ARF4: variants seen among roughly 807,000 people sequenced by gnomAD.
ARF4 encodes the protein ADP-ribosylation factor 4.
Under a neutral mutation model 24.3 loss-of-function variants are expected in ARF4, and 5 were observed. The observed-to-expected ratio is 0.21, with a 90% CI of 0.11 to 0.43. ARF4 has a LOEUF of 0.43. Among genes scored for constraint, ARF4 ranks in the 20% least tolerant of loss-of-function variants. ARF4 has a pLI of 1.00. For missense variants in ARF4, 107 were observed against 213.0 expected (o/e 0.50, Z 3.10); for synonymous variants, 62 against 73.5 (o/e 0.84, Z 0.80).
intron 1 of ARF4, among the ~76,000 whole-genome samples, chr3:57,593,711 T>C (rs915601192): frequency 2.0e-5 from 3 of 152,180 alleles, no homozygotes; most frequent in African/African-American, 7.2e-5. Flanking sequence ...TTACATCTTA[T>C]CATGGATCAA....
intron 5 of ARF4, among the ~76,000 whole-genome samples, chr3:57,574,408 A>ATTTT (rs71088093): frequency 4.8e-5 from 7 of 145,260 alleles, no homozygotes; most frequent in African/African-American, 1.0e-4. Flanking sequence ...AGAAGTACAA[A>ATTTT]TTTTTTTTTT....
At position 57,571,737 on chromosome 3, in the gene ARF4, T is replaced by G. The variant is rs1238564334; in HGVS notation, c.*475A>C. The G allele has an allele frequency of 6.3e-6, 1 of 158,728 alleles. No homozygotes were observed. The highest frequency in any genetic ancestry group is 1.8e-4 in the East Asian group (1 of 5,460). The allele number at this position is 158,728 out of a possible 1,614,324, so 9.8% of individuals were successfully genotyped here. On this transcript the variant is annotated 3_prime_UTR_variant, in exon 6 of 6. Transcript: ENST00000303436. ...CTCAGTGCAAGAGAGCTGAGTAGTG[T>G]TTTGGATCTTTCTCTGGCTGGTACA...
intron 1 of ARF4, among the ~76,000 whole-genome samples, chr3:57,592,810 A>G (rs1365854202): frequency 6.6e-6 from 1 of 152,192 alleles, no homozygotes; most frequent in Non-Finnish European, 1.5e-5. Context: ...TGTTCAACCA[A>G]TAACCTGAGA....
chr3:57,592,994 C>T (rs2070133451), intron 1 of ARF4, among the ~76,000 whole-genome samples: 1 of 152,056 alleles, frequency 6.6e-6, no homozygotes. Flanking sequence ...CTCTTGAGCC[C>T]AGGAGTTTGA....
chr3:57,587,649 C>CT (rs539300662), intron 1 of ARF4, among the ~76,000 whole-genome samples: 48 of 152,086 alleles, frequency 3.2e-4, no homozygotes, highest in African/African-American at 1.0e-3. Flanking sequence ...AAGACGACTG[C>CT]TTGAGGGCTT....
At chr3:57,587,443 T>C (rs2070052819) in intron 1 of ARF4, among the ~76,000 whole-genome samples, 1 of 151,754 alleles carries the variant, frequency 6.6e-6, no homozygotes, top group Non-Finnish European at 1.5e-5. Context: ...GTAATCCAAG[T>C]TTTCTTTTAA....
chr3:57,593,168 G>A (rs532188493), intron 1 of ARF4, among the ~76,000 whole-genome samples: 1 of 152,238 alleles, frequency 6.6e-6, no homozygotes, highest in East Asian at 1.9e-4. Context: ...CATGCCACCT[G>A]TATGTGCCCC....
chr3:57,573,358 C>CA (rs577030564), intron 5 of ARF4, among the ~76,000 whole-genome samples: 31 of 151,884 alleles, frequency 2.0e-4, no homozygotes, highest in South Asian at 6.3e-4. Flanking sequence ...GTGAAAGTAT[C>CA]AAAAAAAACC....
Position 57,579,841 on chromosome 3 carries a change from C to T in ARF4, c.259-2454G>A, listed in dbSNP as rs763811626. On this transcript the variant is annotated intron_variant, in intron 3 of 5. Coordinates refer to ENST00000303436, the MANE Select transcript of ARF4 (RefSeq NM_001660.4). Reference sequence around the variant, plus strand: ...GAGAAAACTTTTGGCTGGCATGGCACCTCTAATCCCACCACTTTGGGAGGC... The same window carrying T: ...GAGAAAACTTTTGGCTGGCATGGCATCTCTAATCCCACCACTTTGGGAGGC... Among the ~76,000 whole-genome samples the T allele has an allele frequency of 1.4e-4, 22 of 152,214 alleles. 1 individual carries two copies. The highest frequency in any genetic ancestry group is 1.0e-4 in the Non-Finnish European group (7 of 68,014).
At chr3:57,586,667 T>C (rs2070040688) in intron 1 of ARF4, among the ~76,000 whole-genome samples, 1 of 152,122 alleles carries the variant, frequency 6.6e-6, no homozygotes, top group African/African-American at 2.4e-5. Flanking sequence ...AACCAACTGT[T>C]ATACAAGTGT....
At chr3:57,578,050 C>CA (rs1385528631) in intron 3 of ARF4, among the ~76,000 whole-genome samples, 1 of 151,674 alleles carries the variant, frequency 6.6e-6, no homozygotes, top group Non-Finnish European at 1.5e-5. Context: ...GACCCTATCT[C>CA]AAAAAACAAA....
chr3:57,584,198 A>C, intron 2 of ARF4, 186 bp downstream of exon 2: 1 of 719,686 alleles, frequency 1.4e-6, no homozygotes, highest in Non-Finnish European at 2.3e-6. Context: ...CCTGGGCTCA[A>C]GCAATCCACC....
At chr3:57,572,994 AG>A (rs1208497841) in intron 5 of ARF4, among the ~76,000 whole-genome samples, 2 of 151,902 alleles carry the variant, frequency 1.3e-5, no homozygotes, top group African/African-American at 4.8e-5. Flanking sequence ...TGAGGTCAGG[AG>A]ATCGAGACCT....
Position 57,577,466 on chromosome 3 carries a change from A to C in ARF4, c.259-79T>G, listed in dbSNP as rs889497495. The C allele has an allele frequency of 6.4e-6, 7 of 1,096,294 alleles. No individual in the cohort carries two copies. The Admixed American group carries it at 1.3e-4, about 20-fold the overall frequency. The allele number at this position is 1,096,294 out of a possible 1,614,324, so 67.9% of individuals were successfully genotyped here. The stretch of plus-strand genomic sequence containing the variant: ...GAAACAGTGTAGGCAGCAAAATGGT[A>C]CCAATGGTTAGACATTAGGAAGAAA... On this transcript the variant is annotated intron_variant, in intron 3 of 5. Transcript: ENST00000303436.
intron 1 of ARF4, among the ~76,000 whole-genome samples, chr3:57,592,282 A>G (rs1305031312): frequency 1.3e-5 from 2 of 152,066 alleles, no homozygotes; most frequent in Non-Finnish European, 2.9e-5. Flanking sequence ...TGAGGTCAGG[A>G]GTTTGAGACC....
At position 57,597,167 on chromosome 3, in the gene ARF4, G is replaced by A. The variant is rs2070200161; in HGVS notation, c.-27C>T. The A allele has an allele frequency of 6.2e-7, 1 of 1,603,154 alleles. No homozygotes were observed. The highest frequency in any genetic ancestry group is 1.3e-5 in the African/African-American group (1 of 74,718). On this transcript the variant is annotated 5_prime_UTR_variant, in exon 1 of 6. Transcript: ENST00000303436. ...GCGGTAGTGGCACTTGTGATGGGCA[G>A]AAGCAGAAGGGGTTTGGGGCGACCC...
intron 3 of ARF4, among the ~76,000 whole-genome samples, chr3:57,580,711 C>T (rs950598167): frequency 1.1e-4 from 17 of 151,762 alleles, no homozygotes; most frequent in African/African-American, 4.1e-4. Context: ...CTACCCTTTA[C>T]AAGAGGTAAT....
At chr3:57,581,315 C>G (rs932658657) in intron 3 of ARF4, among the ~76,000 whole-genome samples, 1 of 152,010 alleles carries the variant, frequency 6.6e-6, no homozygotes, top group Non-Finnish European at 1.5e-5. Context: ...CATGAACTCC[C>G]TAGGAAGCAG....
chr3:57,574,885 G>A (rs1415598093), intron 5 of ARF4, among the ~76,000 whole-genome samples: 1 of 151,830 alleles, frequency 6.6e-6, no homozygotes, highest in Non-Finnish European at 1.5e-5. Context: ...TTTCGCTCTT[G>A]TTGCCCAGGC....
Sources: gnomAD v4.1 joint callset for allele counts (sites outside exome capture counted in the v4.1 genomes callset) on GRCh38, gnomAD v4.1.1 for gene constraint, MANE v1.5 for transcripts, NCBI Gene and HGNC (gene_info 2026-07-23, HGNC 2026-07-21) for gene names.